CLYBL: variants seen among roughly 807,000 people sequenced by gnomAD.
CLYBL encodes the protein citramalyl-CoA lyase.
CLYBL carries 31 observed loss-of-function variants against 38.9 expected under a neutral mutation model. The ratio of observed to expected loss-of-function variants is 0.80; its 90% confidence interval spans 0.60 to 1.08. The LOEUF is 1.08. CLYBL is among the 50% of genes least tolerant of loss of function. The pLI is 0.00. For synonymous variants in CLYBL, 171 were observed against 158.6 expected, an observed-to-expected ratio of 1.08 and a Z score of -0.59; for missense variants, 434 against 411.6, an observed-to-expected ratio of 1.05 and a Z score of -0.47.
intron 1 of CLYBL, among the ~76,000 whole-genome samples, chr13:99,620,480 T>G (rs1387916162): frequency 6.6e-6 from 1 of 152,156 alleles, no homozygotes; most frequent in African/African-American, 2.4e-5. Context: ...TGCTATACAT[T>G]TTAAGAAATG....
chr13:99,906,603 T>G lies in CLYBL; in HGVS notation c.*160+1198T>G, dbSNP rs1429023908. Among the ~76,000 whole-genome samples the G allele has an allele frequency of 2.6e-5, 4 of 152,120 alleles. No individual in the cohort carries two copies. The East Asian group carries it at 7.7e-4, about 29-fold the overall frequency. ...CACACCCAGCTAATTTTTGTATTTT[T>G]AGTAGAAATGGGGTTTCTCCATGTT... On this transcript the variant is annotated intron_variant and NMD_transcript_variant, in intron 9 of 9. Transcript: ENST00000689673.
chr13:99,616,757 A>G (rs879161618), intron 1 of CLYBL, among the ~76,000 whole-genome samples: 1 of 152,140 alleles, frequency 6.6e-6, no homozygotes, highest in African/African-American at 2.4e-5. Flanking sequence ...GAAGTTCAAG[A>G]CCAGCCTGGC....
intron 1 of CLYBL, among the ~76,000 whole-genome samples, chr13:99,692,953 C>T (rs1404221170): frequency 6.6e-6 from 1 of 151,998 alleles, no homozygotes; most frequent in African/African-American, 2.4e-5. Context: ...AGGAATATAC[C>T]CCATTATCCA....
intron 2 of CLYBL, among the ~76,000 whole-genome samples, chr13:99,848,013 A>G (rs1346614606): frequency 6.6e-6 from 1 of 152,030 alleles, no homozygotes; most frequent in African/African-American, 2.4e-5. Context: ...CCCTCCCTCC[A>G]TAGCCTCATA....
intron 1 of CLYBL, among the ~76,000 whole-genome samples, chr13:99,692,978 A>AT (rs886507776): frequency 2.0e-5 from 3 of 152,092 alleles, no homozygotes; most frequent in African/African-American, 4.8e-5. Context: ...AATGATGGAT[A>AT]TTTTTTGGGG....
intron 1 of CLYBL, among the ~76,000 whole-genome samples, chr13:99,624,072 C>A (rs1271214882): frequency 6.7e-6 from 1 of 149,056 alleles, no homozygotes; most frequent in African/African-American, 2.4e-5. Context: ...CAGATAGATA[C>A]CTAAAGGCCA....
At chr13:99,632,587 C>CA (rs1490340803) in intron 1 of CLYBL, among the ~76,000 whole-genome samples, 2 of 151,704 alleles carry the variant, frequency 1.3e-5, no homozygotes, top group African/African-American at 2.4e-5. Flanking sequence ...ACTAAATATA[C>CA]AAAAAAAATT....
chr13:99,767,888 C>T (rs144842806), intron 1 of CLYBL, among the ~76,000 whole-genome samples: 204 of 152,240 alleles, frequency 1.3e-3, no homozygotes, highest in Non-Finnish European at 1.9e-3. Context: ...GTTCTTTGAG[C>T]ATCTTTAAGA....
intron 1 of CLYBL, among the ~76,000 whole-genome samples, chr13:99,721,039 C>CTTTTTTTTTTTTTTTTTTTTT (rs35480092): frequency 7.1e-6 from 1 of 141,270 alleles, no homozygotes; most frequent in African/African-American, 2.6e-5. Context: ...TTCCCTAATT[C>CTTTTTTTTTTTTTTTTTTTTT]TTTTTTTTTT....
At chr13:99,905,046 C>T (rs2052681604) in intron 8 of CLYBL, among the ~76,000 whole-genome samples, 1 of 152,006 alleles carries the variant, frequency 6.6e-6, no homozygotes, top group African/African-American at 2.4e-5. Flanking sequence ...ACAGGGCTGG[C>T]CTGCTCACAG....
At chr13:99,891,268 C>T in intron 7 of CLYBL, 50 bp from the exon 8 acceptor site, 2 of 1,322,030 alleles carry the variant, frequency 1.5e-6, no homozygotes, top group South Asian at 2.4e-5. Flanking sequence ...AGAAAGGAAA[C>T]CTATAATTTC....
intron 3 of CLYBL, 99 bp from the exon 4 acceptor site, chr13:99,862,892 A>G (rs2051642303): frequency 2.1e-6 from 1 of 483,542 alleles, no homozygotes; most frequent in Non-Finnish European, 3.6e-6. Flanking sequence ...CTTGGATATT[A>G]CTTCCTCAGG....
chr13:99,701,568 C>T (rs1695402917), intron 1 of CLYBL, among the ~76,000 whole-genome samples: 1 of 152,200 alleles, frequency 6.6e-6, no homozygotes, highest in South Asian at 2.1e-4. Flanking sequence ...GCCTCGGCCT[C>T]CCAAAGTGCT....
At chr13:99,703,334 T>G (rs2048097666) in intron 1 of CLYBL, among the ~76,000 whole-genome samples, 1 of 152,172 alleles carries the variant, frequency 6.6e-6, no homozygotes, top group Admixed American at 6.6e-5. Flanking sequence ...TGTCTTTGTT[T>G]TTTAGTGTGT....
chr13:99,846,283 G>C (rs2051202546), intron 2 of CLYBL, among the ~76,000 whole-genome samples: 2 of 137,394 alleles, frequency 1.5e-5, no homozygotes, highest in South Asian at 4.8e-4. Context: ...ATATTGTGTG[G>C]AGATTTTTTT....
chr13:99,710,108 T>A (rs2048207470), intron 1 of CLYBL, among the ~76,000 whole-genome samples: 1 of 152,036 alleles, frequency 6.6e-6, no homozygotes, highest in African/African-American at 2.4e-5. Flanking sequence ...GTATTTTCAG[T>A]AGAGATGGGG....
At chr13:99,788,684 A>C (rs994548396) in intron 2 of CLYBL, among the ~76,000 whole-genome samples, 4 of 152,144 alleles carry the variant, frequency 2.6e-5, no homozygotes, top group Admixed American at 2.6e-4. Flanking sequence ...TGTCTCTGCC[A>C]GGCTTTGGTA....
chr13:99,832,893 A>G (rs2050834666), intron 2 of CLYBL, among the ~76,000 whole-genome samples: 2 of 149,870 alleles, frequency 1.3e-5, no homozygotes, highest in African/African-American at 2.5e-5. Flanking sequence ...AAAATAAAAG[A>G]AAAAAACCCA....
intron 1 of CLYBL, among the ~76,000 whole-genome samples, chr13:99,737,310 C>A (rs969022386): frequency 6.6e-6 from 1 of 152,214 alleles, no homozygotes; most frequent in Admixed American, 6.5e-5. Flanking sequence ...AGTGTCTTCT[C>A]AGCCACAGTC....
Sources: allele counts gnomAD v4.1 joint callset (sites outside exome capture counted in the v4.1 genomes callset), GRCh38; gene constraint gnomAD v4.1.1; transcripts MANE v1.5; gene names NCBI Gene and HGNC (gene_info 2026-07-23, HGNC 2026-07-21).